The following SPRED2 variants were observed in gnomAD, a reference collection of about 807,000 sequenced individuals.
The protein encoded by SPRED2 is sprouty related EVH1 domain containing 2.
SPRED2 carries 47 observed loss-of-function variants against 43.0 expected under a neutral mutation model. The observed-to-expected ratio is 1.09, with a 90% CI of 0.87 to 1.40. SPRED2 has a LOEUF of 1.40. Among genes scored for constraint, SPRED2 ranks in the 40% most tolerant of loss-of-function variants. The probability of loss-of-function intolerance (pLI) is 0.00; values close to 1 mark genes in which losing one functional copy is unlikely to be tolerated. For synonymous variants in SPRED2, 225 were observed against 225.7 expected (o/e 1.00, Z 0.03); for missense variants, 561 against 586.4 (o/e 0.96, Z 0.45).
At chr2:65,423,714 G>A (rs1197189187) in intron 1 of SPRED2, among the ~76,000 whole-genome samples, 2 of 151,888 alleles carry the variant, frequency 1.3e-5, no homozygotes, top group South Asian at 4.2e-4. Flanking sequence ...GGATGCTACT[G>A]AATCTCAATT....
intron 1 of SPRED2, among the ~76,000 whole-genome samples, chr2:65,405,747 T>C (rs555280766): frequency 1.3e-5 from 2 of 152,326 alleles, no homozygotes; most frequent in South Asian, 2.1e-4. Flanking sequence ...TGAGCAAGTA[T>C]AGTAATTACA....
chr2:65,393,698 T>A (rs1286873674), intron 1 of SPRED2, among the ~76,000 whole-genome samples: 1 of 152,178 alleles, frequency 6.6e-6, no homozygotes, highest in African/African-American at 2.4e-5. Flanking sequence ...TTACCAGAAA[T>A]GAGAAAGACT....
chr2:65,366,453 CA>C lies in SPRED2; in HGVS notation c.27-21558del, dbSNP rs1279027537. On this transcript the variant is annotated intron_variant, in intron 1 of 5. Transcript: ENST00000356388. ...CCTTGCACGTGGGCACACACAAATACAAACACATACACACTGTGGTCCTCTA... is the reference window on the plus strand; with the variant it reads ...CCTTGCACGTGGGCACACACAAATACAACACATACACACTGTGGTCCTCTA... The C allele has an allele frequency of 3.5e-6, 3 of 848,674 alleles. No homozygotes were observed. The African/African-American group carries it at 5.2e-5, about 15-fold the overall frequency. The allele number at this position is 848,674 out of a possible 1,614,324, so 52.6% of individuals were successfully genotyped here.
At chr2:65,322,891 TA>T (rs1181111187) in intron 4 of SPRED2, among the ~76,000 whole-genome samples, 2 of 152,224 alleles carry the variant, frequency 1.3e-5, no homozygotes, top group Non-Finnish European at 1.5e-5. Flanking sequence ...TTTATTTTAT[TA>T]ATATGTGAAT....
At chr2:65,367,113 G>A (rs941192140) in intron 1 of SPRED2, among the ~76,000 whole-genome samples, 5 of 152,160 alleles carry the variant, frequency 3.3e-5, no homozygotes, top group Non-Finnish European at 7.3e-5. Context: ...AGCTGAATTC[G>A]TGTAGGCATG....
At chr2:65,370,450 A>C (rs2104338983) in intron 1 of SPRED2, among the ~76,000 whole-genome samples, 1 of 152,196 alleles carries the variant, frequency 6.6e-6, no homozygotes, top group Admixed American at 6.5e-5. Flanking sequence ...CAAAGGCAGG[A>C]CTGAGCAGCT....
chr2:65,372,930 T>C (rs1422905901), intron 1 of SPRED2, among the ~76,000 whole-genome samples: 1 of 152,172 alleles, frequency 6.6e-6, no homozygotes, highest in South Asian at 2.1e-4. Flanking sequence ...AGCAGAGAAA[T>C]CTATTACTCA....
chr2:65,392,404 G>C, intron 1 of SPRED2, among the ~76,000 whole-genome samples: 1 of 151,852 alleles, frequency 6.6e-6, no homozygotes, highest in South Asian at 2.1e-4. Context: ...TCGAACTCTT[G>C]GGCTCAAGTG....
At chr2:65,383,980 C>G (rs1675434886) in intron 1 of SPRED2, among the ~76,000 whole-genome samples, 1 of 152,128 alleles carries the variant, frequency 6.6e-6, no homozygotes, top group Non-Finnish European at 1.5e-5. Context: ...ACAAGCTGTC[C>G]CACCAGAGAT....
At chr2:65,317,239 G>A (rs959910415) in intron 4 of SPRED2, among the ~76,000 whole-genome samples, 12 of 152,200 alleles carry the variant, frequency 7.9e-5, no homozygotes, top group African/African-American at 2.9e-4. Flanking sequence ...CTGGCCAGGC[G>A]CGGGGGCTCA....
downstream of SPRED2, among the ~76,000 whole-genome samples, chr2:65,307,886 C>T (rs111804643): frequency 2.2e-3 from 330 of 152,264 alleles, 3 homozygotes; most frequent in African/African-American, 7.6e-3. Context: ...GAAAGACCAA[C>T]GGGCTTCCAG....
At position 65,312,686 on chromosome 2, in the gene SPRED2, AC is replaced by A; in HGVS notation, c.*814del. Reference sequence around the variant, plus strand: ...AGGGGTAATGGGGAGGCTCATAGAAACCTGAAATCCCCATTCTAGCCCTGGT... The same window carrying A: ...AGGGGTAATGGGGAGGCTCATAGAAACTGAAATCCCCATTCTAGCCCTGGT... On this transcript the variant is annotated 3_prime_UTR_variant, in exon 6 of 6. Coordinates refer to ENST00000356388, the MANE Select transcript of SPRED2 (RefSeq NM_181784.3). The A allele has an allele frequency of 2.0e-6, 2 of 985,862 alleles. No homozygotes were observed. The highest frequency in any genetic ancestry group is 2.4e-6 in the Non-Finnish European group (2 of 829,932). 61.1% of individuals were successfully genotyped at this position (985,862 alleles called of 1,614,324 possible).
At chr2:65,356,526 CCAGT>C (rs1268315186) in intron 1 of SPRED2, among the ~76,000 whole-genome samples, 883 of 58,820 alleles carry the variant, frequency 0.015, 8 homozygotes, top group African/African-American at 0.031. Flanking sequence ...GTGCAGTTCC[CCAGT>C]TCCCTCTTTT....
chr2:65,423,114 CT>C (rs1174527065), intron 1 of SPRED2, among the ~76,000 whole-genome samples: 2 of 152,224 alleles, frequency 1.3e-5, no homozygotes, highest in Non-Finnish European at 2.9e-5. Context: ...CACTTTATTC[CT>C]TGGCTGGAAA....
At chr2:65,375,001 G>C (rs988676450) in intron 1 of SPRED2, among the ~76,000 whole-genome samples, 2 of 152,198 alleles carry the variant, frequency 1.3e-5, no homozygotes, top group African/African-American at 2.4e-5. Context: ...TGGCAGATGA[G>C]TGTTTTACAG....
chr2:65,328,009 G>A lies in SPRED2; in HGVS notation c.438+3978C>T, dbSNP rs764807631. On this transcript the variant is annotated intron_variant, in intron 4 of 5. Transcript: ENST00000356388. ...AGTGCTGGGATTACAGGCATGAACC[G>A]CTGTGCCCGGCCCATTTTTGCTTTT... Among the ~76,000 whole-genome samples, 54 of 152,122 alleles carry A rather than the reference G, an allele frequency of 3.5e-4. 1 individual carries two copies. The highest frequency in any genetic ancestry group is 5.7e-4 in the Non-Finnish European group (39 of 67,982).
intron 1 of SPRED2, among the ~76,000 whole-genome samples, chr2:65,428,388 G>A (rs371628413): frequency 2.6e-5 from 4 of 152,162 alleles, no homozygotes; most frequent in African/African-American, 4.8e-5. Flanking sequence ...CATTTAACTC[G>A]GGGTCTTCGA....
In SPRED2 at chr2:65,331,987, T is replaced by C. The variant is rs200082416; in HGVS notation, c.438A>G (p.Thr146=). 180 of 1,605,424 alleles carry C rather than the reference T, an allele frequency of 1.1e-4. No homozygotes were observed. Among genetic ancestry groups the C allele is most frequent in the Admixed American group, 5.1e-4 (30 of 59,254 alleles). ...AAAGCAAAGGACAAAGGAAACTTACTGTAAAAACGTCATCATCGCCAAGCT... is the reference window on the plus strand; with the variant it reads ...AAAGCAAAGGACAAAGGAAACTTACCGTAAAAACGTCATCATCGCCAAGCT... ...EAELGDDDVF[T]TATDSSSNSS... The change falls in exon 4 of 6, where the codon ACA becomes ACG. Residue 146 remains threonine (T), a splice_region_variant and synonymous_variant. Coordinates refer to ENST00000356388, the MANE Select transcript of SPRED2 (RefSeq NM_181784.3).
intron 1 of SPRED2, among the ~76,000 whole-genome samples, chr2:65,395,057 T>C (rs1487816472): frequency 6.6e-6 from 1 of 152,094 alleles, no homozygotes; most frequent in Admixed American, 6.6e-5. Flanking sequence ...GGTGTACCTC[T>C]CCATCACCCA....
Sources: allele counts gnomAD v4.1 joint callset (sites outside exome capture counted in the v4.1 genomes callset), GRCh38; gene constraint gnomAD v4.1.1; transcripts MANE v1.5; gene names NCBI Gene and HGNC (gene_info 2026-07-23, HGNC 2026-07-21).